The following CRPPA variants were observed in gnomAD, a reference collection of about 807,000 sequenced individuals.
CRPPA encodes the protein D-ribitol-5-phosphate cytidylyltransferase.
CRPPA carries 43 observed loss-of-function variants against 52.0 expected under a neutral mutation model. The observed-to-expected ratio is 0.83, with a 90% confidence interval of 0.65 to 1.07. CRPPA has a LOEUF of 1.07. Among genes scored for constraint, CRPPA ranks in the 50% least tolerant of loss-of-function variants. CRPPA has a pLI of 0.00. For synonymous variants in CRPPA, 250 were observed against 203.5 expected (o/e 1.23, Z -1.94); for missense variants, 629 against 551.7 (o/e 1.14, Z -1.40).
intron 3 of CRPPA, among the ~76,000 whole-genome samples, chr7:16,320,252 A>G (rs375218122): frequency 1.5e-4 from 23 of 152,194 alleles, no homozygotes; most frequent in Admixed American, 1.5e-3. Flanking sequence ...TTAGATAAAT[A>G]TTCCAAATTG....
rs565093923 is a variant in CRPPA, at chr7:16,289,536, C to T, written c.836-11310G>A. Among the ~76,000 whole-genome samples, 9 of 152,214 alleles carry T rather than the reference C, an allele frequency of 5.9e-5. No individual in the cohort carries two copies. The South Asian group carries it at 1.9e-3, about 32-fold the overall frequency. ...CAAGATGGTTCAACATATGCAAATC[C>T]ATAAATGTGATACATCACTATCAAC... On this transcript the variant is annotated intron_variant, in intron 5 of 9. Transcript: ENST00000407010.
intron 9 of CRPPA, among the ~76,000 whole-genome samples, chr7:16,168,043 T>C (rs1400037897): frequency 6.6e-6 from 1 of 152,244 alleles, no homozygotes; most frequent in Non-Finnish European, 1.5e-5. Flanking sequence ...CTAAATCCTG[T>C]TAAGTGACTT....
chr7:16,118,625 A>G (rs1384573260), intron 9 of CRPPA, among the ~76,000 whole-genome samples: 2 of 152,204 alleles, frequency 1.3e-5, no homozygotes, highest in South Asian at 4.1e-4. Context: ...GGAAAGAACT[A>G]GGACTGCCTG....
intron 9 of CRPPA, among the ~76,000 whole-genome samples, chr7:16,122,800 T>C (rs1289944139): frequency 1.3e-5 from 2 of 152,108 alleles, no homozygotes; most frequent in African/African-American, 2.4e-5. Flanking sequence ...CTAATTGGTA[T>C]GGAAGAAGCC....
intron 8 of CRPPA, among the ~76,000 whole-genome samples, chr7:16,256,095 A>T (rs1449251947): frequency 3.3e-5 from 5 of 152,244 alleles, no homozygotes; most frequent in Admixed American, 2.6e-4. Context: ...ACAAATTTAC[A>T]AGAAAAAATC....
At chr7:16,192,402 G>A (rs986410298) in intron 9 of CRPPA, among the ~76,000 whole-genome samples, 3 of 152,080 alleles carry the variant, frequency 2.0e-5, no homozygotes, top group Non-Finnish European at 4.4e-5. Context: ...ACAATCTGAT[G>A]TGATTTCTTA....
rs563168632 is a variant in CRPPA at position 16,304,804 on chromosome 7, G to A, written c.790-3338C>T. 9.9e-5 allele frequency among the ~76,000 whole-genome samples: 15 copies of A among 152,222 alleles called. No homozygotes were observed. The South Asian group carries it at 3.1e-3, about 32-fold the overall frequency. On this transcript the variant is annotated intron_variant, in intron 4 of 9. Transcript: ENST00000407010. The stretch of plus-strand genomic sequence containing the variant: ...GAAGTGAACTCCCTGACTTTTCAGG[G>A]GAAAGGGAAGGTGTATTGTTCCATG...
chr7:16,304,825 C>T (rs1363669914), intron 4 of CRPPA, among the ~76,000 whole-genome samples: 1 of 152,092 alleles, frequency 6.6e-6, no homozygotes, highest in African/African-American at 2.4e-5. Flanking sequence ...GTGTATTGTT[C>T]CATGTTTCAG....
chr7:16,091,854 A>T (rs1781845037), intron 9 of CRPPA, 55 bp from the exon 10 acceptor site: 2 of 1,080,900 alleles, frequency 1.9e-6, no homozygotes, highest in Admixed American at 7.0e-5. Flanking sequence ...GCCATGTGTT[A>T]AGTTTGATAA....
chr7:16,267,696 G>A (rs1407489467), intron 6 of CRPPA, among the ~76,000 whole-genome samples: 2 of 151,982 alleles, frequency 1.3e-5, no homozygotes, highest in South Asian at 2.1e-4. Context: ...AGTTTACAAC[G>A]TAATTTAATT....
intron 2 of CRPPA, among the ~76,000 whole-genome samples, chr7:16,392,063 G>A (rs79793206): frequency 6.6e-6 from 1 of 152,070 alleles, no homozygotes; most frequent in Non-Finnish European, 1.5e-5. Context: ...CCACTTAATA[G>A]CTGTGTTATT....
chr7:16,241,576 C>T (rs2128406537), intron 8 of CRPPA, among the ~76,000 whole-genome samples: 1 of 152,056 alleles, frequency 6.6e-6, no homozygotes, highest in Admixed American at 6.5e-5. Flanking sequence ...AATTTCTTCC[C>T]ACTTTTAACA....
intron 2 of CRPPA, among the ~76,000 whole-genome samples, chr7:16,384,285 A>G (rs1787197371): frequency 6.6e-6 from 1 of 152,216 alleles, no homozygotes; most frequent in Non-Finnish European, 1.5e-5. Flanking sequence ...ATTCAAACCT[A>G]AGTGTACTCT....
intron 8 of CRPPA, chr7:16,216,398 C>CA (rs1782311343): frequency 5.2e-6 from 2 of 387,018 alleles, no homozygotes; most frequent in East Asian, 4.6e-5. Context: ...AGTAAACACT[C>CA]AGAGAAAACG....
At chr7:16,130,764 G>A (rs1393181359) in intron 9 of CRPPA, among the ~76,000 whole-genome samples, 1 of 152,204 alleles carries the variant, frequency 6.6e-6, no homozygotes, top group Non-Finnish European at 1.5e-5. Context: ...AGATGATGAA[G>A]TTTCCTTCTG....
intron 3 of CRPPA, among the ~76,000 whole-genome samples, chr7:16,367,758 C>T (rs1285571093): frequency 1.3e-5 from 2 of 152,074 alleles, no homozygotes; most frequent in African/African-American, 4.8e-5. Context: ...TTCAGCTACC[C>T]ACAGATAAGC....
intron 8 of CRPPA, among the ~76,000 whole-genome samples, chr7:16,218,961 C>G (rs1038460681): frequency 5.3e-5 from 8 of 152,160 alleles, no homozygotes; most frequent in African/African-American, 1.9e-4. Context: ...ATCTATAGAA[C>G]TCTCCACCCC....
intron 9 of CRPPA, among the ~76,000 whole-genome samples, chr7:16,199,110 T>C (rs1435160450): frequency 1.3e-5 from 2 of 152,152 alleles, no homozygotes; most frequent in Non-Finnish European, 2.9e-5. Context: ...TTCCAATACA[T>C]TGAGAAGCAT....
chr7:16,285,741 G>T (rs970011866), intron 5 of CRPPA, among the ~76,000 whole-genome samples: 1 of 151,686 alleles, frequency 6.6e-6, no homozygotes, highest in African/African-American at 2.4e-5. Context: ...AAATTATGTT[G>T]GCCAGGCGCG....
Sources: gnomAD v4.1 joint callset for allele counts (sites outside exome capture counted in the v4.1 genomes callset) on GRCh38, gnomAD v4.1.1 for gene constraint, MANE v1.5 for transcripts, NCBI Gene and HGNC (gene_info 2026-07-23, HGNC 2026-07-21) for gene names.